CADM2: variants seen among roughly 807,000 people sequenced by gnomAD.
The protein encoded by CADM2 is cell adhesion molecule 2.
Under a neutral mutation model 49.8 loss-of-function variants are expected in CADM2, and 12 were observed. The ratio of observed to expected loss-of-function variants is 0.24; its 90% CI spans 0.15 to 0.39. The LOEUF (loss-of-function observed/expected upper bound fraction) is 0.39, where lower values mean the gene tolerates loss of function less well. Ranked by LOEUF, CADM2 falls within the 10% of genes least tolerant of loss-of-function variation. The pLI is 1.00. For synonymous variants in CADM2, 214 were observed against 175.4 expected, an observed-to-expected ratio of 1.22 and a Z score of -1.74; for missense variants, 378 against 492.3, an observed-to-expected ratio of 0.77 and a Z score of 2.20.
chr3:85,177,942 C>A (rs1400441503), intron 1 of CADM2, among the ~76,000 whole-genome samples: 6 of 151,878 alleles, frequency 4.0e-5, no homozygotes, highest in Non-Finnish European at 4.4e-5. Context: ...GAATTTAGTA[C>A]AATTGTACTT....
chr3:85,904,434 T>C (rs1716522168), intron 5 of CADM2, among the ~76,000 whole-genome samples: 1 of 152,156 alleles, frequency 6.6e-6, no homozygotes, highest in South Asian at 2.1e-4. Flanking sequence ...TGAGGAAACA[T>C]GGATCTCCAC....
At chr3:85,638,349 T>C (rs2064584535) in intron 1 of CADM2, among the ~76,000 whole-genome samples, 1 of 152,162 alleles carries the variant, frequency 6.6e-6, no homozygotes, top group Non-Finnish European at 1.5e-5. Flanking sequence ...TTTCTGTGTT[T>C]CCTAAATTCT....
intron 1 of CADM2, among the ~76,000 whole-genome samples, chr3:85,432,480 G>A (rs774647363): frequency 6.6e-6 from 1 of 152,062 alleles, no homozygotes; most frequent in African/African-American, 2.4e-5. Flanking sequence ...CGTGAGAAGG[G>A]TTTGAATGGT....
intron 1 of CADM2, among the ~76,000 whole-genome samples, chr3:85,053,137 T>C (rs969198431): frequency 6.6e-6 from 1 of 152,014 alleles, no homozygotes; most frequent in Non-Finnish European, 1.5e-5. Flanking sequence ...GCCAAACTAG[T>C]AAAAAATTAT....
chr3:85,224,039 T>C (rs563698528), intron 1 of CADM2, among the ~76,000 whole-genome samples: 2 of 152,304 alleles, frequency 1.3e-5, no homozygotes, highest in African/African-American at 4.8e-5. Flanking sequence ...GTCTTTGCTA[T>C]TGTGAAGAGT....
chr3:85,329,833 T>A (rs2044865568), intron 1 of CADM2, among the ~76,000 whole-genome samples: 1 of 152,034 alleles, frequency 6.6e-6, no homozygotes, highest in Non-Finnish European at 1.5e-5. Flanking sequence ...AGACAACACA[T>A]GACAATCTAA....
At chr3:85,548,871 G>T (rs1012928927) in intron 1 of CADM2, among the ~76,000 whole-genome samples, 6 of 152,114 alleles carry the variant, frequency 3.9e-5, no homozygotes, top group African/African-American at 1.4e-4. Flanking sequence ...TGGCAAATGT[G>T]AATTTATTAA....
intron 1 of CADM2, among the ~76,000 whole-genome samples, chr3:85,255,460 C>A (rs771321908): frequency 6.6e-6 from 1 of 151,946 alleles, no homozygotes; most frequent in Non-Finnish European, 1.5e-5. Flanking sequence ...CAAAGCCATA[C>A]ATGAAGGCCC....
At chr3:85,384,711 GTA>G (rs984528637) in intron 1 of CADM2, among the ~76,000 whole-genome samples, 2 of 150,588 alleles carry the variant, frequency 1.3e-5, no homozygotes, top group African/African-American at 2.5e-5. Flanking sequence ...ACTTGTGTGT[GTA>G]TATATATATA....
chr3:85,610,379 T>G (rs1447427280), intron 1 of CADM2, among the ~76,000 whole-genome samples: 2 of 151,934 alleles, frequency 1.3e-5, no homozygotes, highest in African/African-American at 4.8e-5. Flanking sequence ...AAACAATTAA[T>G]GGTGTCAAAA....
chr3:85,386,043 A>T (rs1005059794), intron 1 of CADM2, among the ~76,000 whole-genome samples: 4 of 152,188 alleles, frequency 2.6e-5, no homozygotes, highest in Admixed American at 1.3e-4. Flanking sequence ...ATGCAGAACA[A>T]AGTGAGAAGC....
chr3:85,713,697 C>T (rs2067193832), intron 1 of CADM2, among the ~76,000 whole-genome samples: 1 of 152,170 alleles, frequency 6.6e-6, no homozygotes, highest in African/African-American at 2.4e-5. Flanking sequence ...ACGGTAAAAA[C>T]TACTAAACAT....
intron 1 of CADM2, among the ~76,000 whole-genome samples, chr3:85,652,772 C>CTTTTT (rs34756757): frequency 0.16 from 8,209 of 50,168 alleles, 1,956 homozygotes; most frequent in African/African-American, 0.27. Flanking sequence ...TTTTTCTTTT[C>CTTTTT]TTTTTTTTTT....
chr3:85,794,494 TAA>T (rs1332243900), intron 2 of CADM2, among the ~76,000 whole-genome samples: 1 of 152,170 alleles, frequency 6.6e-6, no homozygotes, highest in East Asian at 1.9e-4. Context: ...ACACAAATGA[TAA>T]GAGGAAGTAA....
At chr3:85,357,137 A>T (rs1414791075) in intron 1 of CADM2, among the ~76,000 whole-genome samples, 3 of 152,146 alleles carry the variant, frequency 2.0e-5, no homozygotes, top group Non-Finnish European at 4.4e-5. Flanking sequence ...ATATGTGGGA[A>T]AAAACCCTAA....
In CADM2 at chr3:84,959,632, C is replaced by T. The variant is rs1213822305; in HGVS notation, c.25C>T (p.Leu9Phe). The T allele has an allele frequency of 6.5e-7, 1 of 1,537,160 alleles. No homozygotes were observed. The highest frequency in any genetic ancestry group is 2.4e-5 in the East Asian group (1 of 40,852). Residue 9 changes from leucine to phenylalanine, a missense_variant, in exon 1 of 10, where the codon CTC becomes TTC. Coordinates refer to ENST00000383699, the MANE Select transcript of CADM2 (RefSeq NM_001167675.2). MIWKRSAVLRFYSVCGLLL... is the reference protein window; with the variant it reads MIWKRSAVFRFYSVCGLLL... ...CATGATTTGGAAACGCAGCGCCGTT[C>T]TCCGCTTCTACAGTGTCTGCGGGCT...
At chr3:85,044,638 C>T (rs1480187146) in intron 1 of CADM2, among the ~76,000 whole-genome samples, 1 of 152,042 alleles carries the variant, frequency 6.6e-6, no homozygotes, top group Admixed American at 6.6e-5. Flanking sequence ...AATGTTTTTA[C>T]CTTTTAGGAA....
chr3:85,131,526 A>G (rs868303680), intron 1 of CADM2, among the ~76,000 whole-genome samples: 2 of 152,186 alleles, frequency 1.3e-5, no homozygotes, highest in African/African-American at 2.4e-5. Context: ...TAATACCCCT[A>G]TAATGGAGAC....
intron 1 of CADM2, among the ~76,000 whole-genome samples, chr3:85,281,558 C>T (rs1173498770): frequency 1.3e-5 from 2 of 151,914 alleles, no homozygotes; most frequent in African/African-American, 4.8e-5. Flanking sequence ...TGTTTAAACA[C>T]ATTTTAAGCA....
Sources: allele counts gnomAD v4.1 joint callset (sites outside exome capture counted in the v4.1 genomes callset), GRCh38; gene constraint gnomAD v4.1.1; transcripts MANE v1.5; gene names NCBI Gene and HGNC (gene_info 2026-07-23, HGNC 2026-07-21).